GALNT17: variants seen among roughly 807,000 people sequenced by gnomAD.
GALNT17 encodes polypeptide N-acetylgalactosaminyltransferase 17.
Under a neutral mutation model 63.7 loss-of-function variants are expected in GALNT17, and 29 were observed. That is an observed-to-expected ratio of 0.46 (90% CI 0.34 to 0.62). The LOEUF (loss-of-function observed/expected upper bound fraction) is 0.62, where lower values mean the gene tolerates loss of function less well. GALNT17 is among the 20% of genes least tolerant of loss of function. The pLI is 0.01. For synonymous variants in GALNT17, 305 were observed against 318.3 expected, an observed-to-expected ratio of 0.96 and a Z score of 0.45; for missense variants, 603 against 799.6, an observed-to-expected ratio of 0.75 and a Z score of 2.97.
chr7:71,211,130 A>G (rs997769492), intron 1 of GALNT17, among the ~76,000 whole-genome samples: 1 of 152,156 alleles, frequency 6.6e-6, no homozygotes, highest in Non-Finnish European at 1.5e-5. Context: ...TACCTTGGTG[A>G]TATGGTTTGG....
chr7:71,684,447 CAGCCCA>C (rs1288600956), intron 9 of GALNT17, among the ~76,000 whole-genome samples: 1 of 152,196 alleles, frequency 6.6e-6, no homozygotes, highest in Non-Finnish European at 1.5e-5. Flanking sequence ...AGCTGACCCG[CAGCCCA>C]GGGTTTGAAC....
intron 1 of GALNT17, among the ~76,000 whole-genome samples, chr7:71,329,975 ATG>A (rs1791778550): frequency 7.2e-6 from 1 of 139,584 alleles, no homozygotes; most frequent in South Asian, 2.4e-4. Context: ...ATATACGTAT[ATG>A]TGTGTGTGTA....
At position 71,623,426 on chromosome 7, in the gene GALNT17, A is replaced by T. The variant is rs536698913; in HGVS notation, c.1081-41985A>T. Among the ~76,000 whole-genome samples the T allele has an allele frequency of 2.7e-3, 402 of 149,564 alleles. 4 individuals carry two copies. The highest frequency in any genetic ancestry group is 9.6e-3 in the African/African-American group (388 of 40,560). On this transcript the variant is annotated intron_variant, in intron 6 of 10. Transcript: ENST00000333538. ...TTTCATTTCTATTTTATTTTATTTT[A>T]TTTATTTTTGAGACAGAGTCTTACT...
At chr7:71,239,208 C>T (rs1277307686) in intron 1 of GALNT17, among the ~76,000 whole-genome samples, 2 of 152,090 alleles carry the variant, frequency 1.3e-5, no homozygotes, top group Non-Finnish European at 2.9e-5. Flanking sequence ...GCCTATAATT[C>T]CAATGCTTTG....
chr7:71,436,083 A>G (rs1786958851), intron 5 of GALNT17, among the ~76,000 whole-genome samples: 2 of 151,470 alleles, frequency 1.3e-5, no homozygotes, highest in African/African-American at 4.8e-5. Flanking sequence ...TGATTTGAGT[A>G]ATAATAAAAC....
At chr7:71,605,384 G>A (rs989370467) in intron 6 of GALNT17, among the ~76,000 whole-genome samples, 8 of 151,952 alleles carry the variant, frequency 5.3e-5, no homozygotes, top group Non-Finnish European at 1.0e-4. Flanking sequence ...TCAAGAGATC[G>A]AGACCATCCT....
At chr7:71,312,139 AT>A (rs1381796004) in intron 1 of GALNT17, among the ~76,000 whole-genome samples, 3 of 152,232 alleles carry the variant, frequency 2.0e-5, no homozygotes, top group Non-Finnish European at 4.4e-5. Context: ...AAAAGTGGTT[AT>A]AAGTATTACT....
At chr7:71,141,461 C>T (rs370622234) in intron 1 of GALNT17, among the ~76,000 whole-genome samples, 2 of 151,978 alleles carry the variant, frequency 1.3e-5, no homozygotes, top group South Asian at 2.1e-4. Context: ...CAAGTCCCTT[C>T]ACTTTTTAAG....
At position 71,359,514 on chromosome 7, in the gene GALNT17, T is replaced by G. The variant is rs1409714239; in HGVS notation, c.422+23781T>G. On this transcript the variant is annotated intron_variant, in intron 2 of 10. Transcript: ENST00000333538. ...AAACACCTTCCAGTAGACCCCCGACTCCAACTTTGGGAATCAGATTTCAAT... is the reference window on the plus strand; with the variant it reads ...AAACACCTTCCAGTAGACCCCCGACGCCAACTTTGGGAATCAGATTTCAAT... 2.6e-5 allele frequency among the ~76,000 whole-genome samples: 4 copies of G among 152,036 alleles called. No homozygotes were observed. The East Asian group carries it at 7.8e-4, about 29-fold the overall frequency.
chr7:71,430,402 C>T (rs768931732), intron 5 of GALNT17, among the ~76,000 whole-genome samples: 6 of 152,160 alleles, frequency 3.9e-5, no homozygotes, highest in Admixed American at 6.5e-5. Context: ...GTACACTTCT[C>T]TCCAGCTGCA....
chr7:71,408,642 G>A (rs771354148), intron 3 of GALNT17, among the ~76,000 whole-genome samples: 5 of 152,138 alleles, frequency 3.3e-5, no homozygotes, highest in East Asian at 1.9e-4. Context: ...AGTGGGGAGC[G>A]GGGGAGGGAT....
At chr7:71,407,354 G>A (rs970296875) in intron 3 of GALNT17, among the ~76,000 whole-genome samples, 2 of 152,198 alleles carry the variant, frequency 1.3e-5, no homozygotes, top group African/African-American at 2.4e-5. Context: ...CTGGGCTTTA[G>A]GAGCAAGCCT....
chr7:71,702,320 G>T (rs1343645687), intron 9 of GALNT17, among the ~76,000 whole-genome samples: 2 of 152,140 alleles, frequency 1.3e-5, no homozygotes, highest in African/African-American at 4.8e-5. Context: ...TAAAGGAAGA[G>T]TATTCAAGAG....
chr7:71,526,421 C>T (rs186569136), intron 5 of GALNT17, among the ~76,000 whole-genome samples: 10 of 152,332 alleles, frequency 6.6e-5, no homozygotes, highest in African/African-American at 1.9e-4. Flanking sequence ...AAAACGGCAC[C>T]GTCCCATGCT....
At chr7:71,579,137 C>T (rs1789586691) in intron 6 of GALNT17, among the ~76,000 whole-genome samples, 1 of 152,166 alleles carries the variant, frequency 6.6e-6, no homozygotes, top group Admixed American at 6.5e-5. Context: ...GGAAGTCATC[C>T]TTGGCTATGT....
intron 1 of GALNT17, among the ~76,000 whole-genome samples, chr7:71,302,979 C>A (rs1791228128): frequency 6.6e-6 from 1 of 152,096 alleles, no homozygotes. Context: ...ATTCTCCTGC[C>A]TCAGCCTCCC....
At chr7:71,297,581 A>G (rs1791105488) in intron 1 of GALNT17, among the ~76,000 whole-genome samples, 1 of 149,454 alleles carries the variant, frequency 6.7e-6, no homozygotes. Flanking sequence ...GTGAGCTGAG[A>G]GCATGGGCAA....
intron 1 of GALNT17, among the ~76,000 whole-genome samples, chr7:71,305,765 C>T (rs572062791): frequency 2.6e-5 from 4 of 152,184 alleles, no homozygotes; most frequent in East Asian, 1.9e-4. Flanking sequence ...CTTTTGGATT[C>T]GAAGAGAGAT....
intron 1 of GALNT17, among the ~76,000 whole-genome samples, chr7:71,249,516 G>C (rs77739952): frequency 1.1e-3 from 171 of 152,266 alleles, no homozygotes; most frequent in African/African-American, 3.9e-3. Context: ...GATGAAATAA[G>C]CAATGCTTCA....
Sources: allele counts gnomAD v4.1 joint callset (sites outside exome capture counted in the v4.1 genomes callset), GRCh38; gene constraint gnomAD v4.1.1; transcripts MANE v1.5; gene names NCBI Gene and HGNC (gene_info 2026-07-23, HGNC 2026-07-21).